The following SCML4 variants were observed in gnomAD, a reference collection of about 807,000 sequenced individuals.
SCML4 encodes sex comb on midleg-like protein 4.
In SCML4, 34 loss-of-function variants were observed where a neutral mutation model predicts 41.1. The observed-to-expected ratio is 0.83, with a 90% CI of 0.63 to 1.10. SCML4 has a LOEUF of 1.10. Ranked by LOEUF, SCML4 falls within the 50% of genes least tolerant of loss-of-function variation. The pLI is 0.00. For synonymous variants in SCML4, 214 were observed against 220.9 expected, an observed-to-expected ratio of 0.97 and a Z score of 0.28; for missense variants, 522 against 534.1, an observed-to-expected ratio of 0.98 and a Z score of 0.22.
intron 1 of SCML4, among the ~76,000 whole-genome samples, chr6:107,815,023 T>C (rs1392964839): frequency 6.6e-6 from 1 of 152,236 alleles, no homozygotes. Context: ...CCAAAGTTCC[T>C]ACCATGATCT....
intron 1 of SCML4, among the ~76,000 whole-genome samples, chr6:107,814,130 G>T (rs769636883): frequency 1.5e-4 from 23 of 152,226 alleles, no homozygotes; most frequent in Non-Finnish European, 3.2e-4. Flanking sequence ...AAGGAGAGGG[G>T]AGTTAGACCC....
At chr6:107,813,417 TATATATAA>T (rs1321728853) in intron 1 of SCML4, among the ~76,000 whole-genome samples, 2,331 of 18,666 alleles carry the variant, frequency 0.12, 234 homozygotes, top group East Asian at 0.28. Flanking sequence ...TATATATATA[TATATATAA>T]AACTGTAAAA....
rs570507363 is a variant in SCML4, at chr6:107,769,022, G to A, written c.156+3150C>T. ...GGAAAATCTACCTATTGATCTTGGG[G>A]AGTCTCTGAACTAAGGACCTCAACC... On this transcript the variant is annotated intron_variant, in intron 2 of 7. Coordinates refer to ENST00000369020, the MANE Select transcript of SCML4 (RefSeq NM_198081.5). 5.9e-5 allele frequency among the ~76,000 whole-genome samples: 9 copies of A among 152,276 alleles called. No homozygotes were observed. The East Asian group carries it at 1.5e-3, about 26-fold the overall frequency.
At chr6:107,763,386 T>G (rs1779770348) in intron 2 of SCML4, among the ~76,000 whole-genome samples, 1 of 151,626 alleles carries the variant, frequency 6.6e-6, no homozygotes, top group African/African-American at 2.4e-5. Flanking sequence ...TCTTGTTTTT[T>G]TTTTTTTTGT....
intron 5 of SCML4, among the ~76,000 whole-genome samples, chr6:107,729,302 C>A (rs368046631): frequency 5.9e-5 from 9 of 152,302 alleles, no homozygotes; most frequent in East Asian, 3.9e-4. Context: ...TCTAGCATCC[C>A]CTGGTGGCCA....
chr6:107,797,944 C>G (rs1233360649), intron 1 of SCML4, among the ~76,000 whole-genome samples: 1 of 151,958 alleles, frequency 6.6e-6, no homozygotes, highest in East Asian at 1.9e-4. Context: ...GAATGCTAAA[C>G]AAGCTTGCAT....
chr6:107,834,608 C>T, the SCML4 span, among the ~76,000 whole-genome samples: 1 of 152,126 alleles, frequency 6.6e-6, no homozygotes, highest in African/African-American at 2.4e-5. Context: ...TAAGTGTGAG[C>T]CTCTGGTATG....
At chr6:107,762,689 C>T (rs1779696523) in intron 2 of SCML4, among the ~76,000 whole-genome samples, 1 of 152,074 alleles carries the variant, frequency 6.6e-6, no homozygotes, top group Non-Finnish European at 1.5e-5. Flanking sequence ...CAAGGAAAGC[C>T]TGACACTATC....
intron 1 of SCML4, among the ~76,000 whole-genome samples, chr6:107,818,502 C>G (rs1347557731): frequency 1.3e-5 from 2 of 152,184 alleles, no homozygotes; most frequent in African/African-American, 4.8e-5. Context: ...TTTGATAAAG[C>G]CTTGACATCA....
At position 107,746,774 on chromosome 6, in the gene SCML4, G is replaced by T. The variant is rs1308775086; in HGVS notation, c.402C>A (p.Ala134=). The change falls in exon 4 of 8, where the codon GCC becomes GCA. Residue 134 remains alanine (A), a synonymous_variant. Transcript: ENST00000369020. ...GGGCGCAGTCGATGCAGGCTTGGAC[G>T]GCCTGCTGCAGCACCGCCGATGGCC... ...PERPSAVLQQ[A]VQACIDCAHQ... 1.9e-6 allele frequency: 3 copies of T among 1,613,870 alleles called. No individual in the cohort carries two copies. Among genetic ancestry groups the T allele is most frequent in the Non-Finnish European group, 1.7e-6 (2 of 1,179,970 alleles).
chr6:107,760,799 C>T (rs1439940990), intron 2 of SCML4, among the ~76,000 whole-genome samples: 2 of 151,882 alleles, frequency 1.3e-5, no homozygotes, highest in Non-Finnish European at 2.9e-5. Context: ...TTTCAATTAT[C>T]GAACTTAGAT....
At position 107,744,778 on chromosome 6, in the gene SCML4, C is replaced by A. The variant is rs117229252; in HGVS notation, c.682+171G>T. ...CCTGGGGTGGGGACTGTCCAGGCAC[C>A]CCTTTGTTCCAGCCAGCTACAAATA... On this transcript the variant is annotated intron_variant, in intron 5 of 7. Coordinates refer to ENST00000369020, the MANE Select transcript of SCML4 (RefSeq NM_198081.5). 0.018 allele frequency among the ~76,000 whole-genome samples: 2,749 copies of A among 152,304 alleles called. 49 individuals carry two copies. Among genetic ancestry groups the A allele is most frequent in the Non-Finnish European group, 0.029 (1,951 of 68,034 alleles).
chr6:107,754,950 A>T (rs559970980), intron 2 of SCML4, among the ~76,000 whole-genome samples: 31 of 152,234 alleles, frequency 2.0e-4, no homozygotes, highest in African/African-American at 7.2e-4. Context: ...TAAAAATTTT[A>T]AAAATTAGCC....
chr6:107,728,526 TTGA>T (rs1776220259), intron 5 of SCML4, among the ~76,000 whole-genome samples: 1 of 152,150 alleles, frequency 6.6e-6, no homozygotes, highest in East Asian at 1.9e-4. Flanking sequence ...GGAGAATTGC[TTGA>T]ACCCAGGAGG....
At chr6:107,794,373 T>C (rs962459095) in intron 1 of SCML4, among the ~76,000 whole-genome samples, 1 of 152,214 alleles carries the variant, frequency 6.6e-6, no homozygotes, top group African/African-American at 2.4e-5. Flanking sequence ...AATCATTCCC[T>C]GGTCCCAAAG....
intron 1 of SCML4, among the ~76,000 whole-genome samples, chr6:107,777,781 C>G (rs558906579): frequency 6.6e-6 from 1 of 152,082 alleles, no homozygotes; most frequent in Non-Finnish European, 1.5e-5. Flanking sequence ...ACCACCTCCC[C>G]GTCCTTGACA....
chr6:107,746,591 G>T, intron 4 of SCML4, 98 bp downstream of exon 4: 1 of 1,085,350 alleles, frequency 9.2e-7, no homozygotes, highest in Non-Finnish European at 1.4e-6. Context: ...ATGAAGGACA[G>T]ACCCTGGCCA....
intron 3 of SCML4, among the ~76,000 whole-genome samples, chr6:107,748,898 G>A (rs1778366589): frequency 6.6e-6 from 1 of 152,186 alleles, no homozygotes; most frequent in Non-Finnish European, 1.5e-5. Flanking sequence ...GGCCCGAAGG[G>A]ATGATCACTC....
At chr6:107,726,311 A>T (rs372504344) in intron 5 of SCML4, among the ~76,000 whole-genome samples, 1 of 151,948 alleles carries the variant, frequency 6.6e-6, no homozygotes, top group Non-Finnish European at 1.5e-5. Context: ...AGGCGGGTGG[A>T]TCATGAGGTC....
Sources: gnomAD v4.1 joint callset for allele counts (sites outside exome capture counted in the v4.1 genomes callset) on GRCh38, gnomAD v4.1.1 for gene constraint, MANE v1.5 for transcripts, NCBI Gene and HGNC (gene_info 2026-07-23, HGNC 2026-07-21) for gene names.